EIF4G3: variants seen among roughly 807,000 people sequenced by gnomAD.
EIF4G3 encodes the protein eukaryotic translation initiation factor 4 gamma 3, also known as eIF-4-gamma 3.
EIF4G3 carries 34 observed loss-of-function variants against 186.4 expected under a neutral mutation model. That is an observed-to-expected ratio of 0.18 (90% CI 0.14 to 0.24). EIF4G3 has a LOEUF of 0.24. EIF4G3 is among the 10% of genes least tolerant of loss of function. The probability of loss-of-function intolerance (pLI) is 1.00; values close to 1 mark genes in which losing one functional copy is unlikely to be tolerated. For missense variants in EIF4G3, 1,536 were observed against 1,948.5 expected (o/e 0.79, Z 3.99); for synonymous variants, 673 against 679.5 (o/e 0.99, Z 0.15).
intron 4 of EIF4G3, chr1:21,003,782 G>T (rs940068994): frequency 2.3e-6 from 1 of 444,006 alleles, no homozygotes; most frequent in South Asian, 1.7e-5. Flanking sequence ...GATCATCAAT[G>T]ATTTCAAATT....
intron 11 of EIF4G3, among the ~76,000 whole-genome samples, chr1:20,969,966 C>CT (rs949288119): frequency 2.6e-5 from 4 of 151,014 alleles, no homozygotes; most frequent in East Asian, 1.9e-4. Flanking sequence ...ATAAAAGTTC[C>CT]TTTTTTTTTC....
intron 4 of EIF4G3, among the ~76,000 whole-genome samples, chr1:21,027,655 GAT>G (rs1473008380): frequency 6.6e-6 from 1 of 152,014 alleles, no homozygotes; most frequent in Non-Finnish European, 1.5e-5. Context: ...TGTTGTAAAA[GAT>G]GTGGAGAAAG....
intron 3 of EIF4G3, among the ~76,000 whole-genome samples, chr1:21,086,960 A>C (rs2096004251): frequency 6.6e-6 from 1 of 151,020 alleles, no homozygotes; most frequent in Admixed American, 6.6e-5. Flanking sequence ...AAAAGAAAAA[A>C]AGAAATGGCC....
At chr1:21,111,509 C>A in intron 2 of EIF4G3, 1 of 372,540 alleles carries the variant, frequency 2.7e-6, no homozygotes. Flanking sequence ...CCAGGTGACA[C>A]AGCCTTTAAG....
chr1:20,943,974 T>TTTTGTGTG (rs2095829221), intron 13 of EIF4G3, among the ~76,000 whole-genome samples: 2 of 62,468 alleles, frequency 3.2e-5, no homozygotes, highest in African/African-American at 1.1e-4. Flanking sequence ...TTTATTTTTT[T>TTTTGTGTG]TGTGTGTGTG....
intron 25 of EIF4G3, among the ~76,000 whole-genome samples, chr1:20,855,924 A>T (rs900607893): frequency 5.3e-5 from 8 of 152,218 alleles, no homozygotes; most frequent in African/African-American, 1.9e-4. Context: ...TGGAGGTTTG[A>T]TACCAGCACT....
chr1:21,143,583 T>C (rs985301292), intron 2 of EIF4G3, among the ~76,000 whole-genome samples: 2 of 152,196 alleles, frequency 1.3e-5, no homozygotes, highest in Non-Finnish European at 2.9e-5. Context: ...GTAAGATACA[T>C]TTATTTCTTC....
intron 2 of EIF4G3, among the ~76,000 whole-genome samples, chr1:21,143,110 G>T (rs565977206): frequency 2.0e-4 from 30 of 152,098 alleles, no homozygotes; most frequent in African/African-American, 7.2e-4. Context: ...TTAGCTAGGT[G>T]TGGTGGTGGG....
intron 6 of EIF4G3, chr1:20,998,937 T>C (rs2154568639): frequency 3.7e-6 from 1 of 273,558 alleles, no homozygotes; most frequent in South Asian, 3.4e-5. Context: ...ACACTACAGA[T>C]GAATTAGATT....
intron 18 of EIF4G3, among the ~76,000 whole-genome samples, chr1:20,886,720 G>A (rs2084286724): frequency 6.6e-6 from 1 of 152,100 alleles, no homozygotes; most frequent in South Asian, 2.1e-4. Context: ...TCACAGGTAG[G>A]TATCATCATA....
At chr1:20,863,866 G>A (rs1405412952) in intron 22 of EIF4G3, among the ~76,000 whole-genome samples, 1 of 152,020 alleles carries the variant, frequency 6.6e-6, no homozygotes. Context: ...GTCACAGAAT[G>A]TTAAGCTGAA....
intron 7 of EIF4G3, among the ~76,000 whole-genome samples, chr1:20,992,098 A>G (rs2081260305): frequency 6.6e-6 from 1 of 152,200 alleles, no homozygotes; most frequent in Non-Finnish European, 1.5e-5. Context: ...TATTTTCTTC[A>G]TTATTTATGC....
chr1:20,836,317 C>T (rs1005458496), intron 30 of EIF4G3, among the ~76,000 whole-genome samples: 6 of 152,106 alleles, frequency 3.9e-5, no homozygotes, highest in African/African-American at 1.4e-4. Context: ...TCTCGCAGTT[C>T]ACTACAGCTT....
intron 2 of EIF4G3, among the ~76,000 whole-genome samples, chr1:21,166,702 C>T (rs1465581868): frequency 1.3e-5 from 2 of 152,030 alleles, no homozygotes; most frequent in Non-Finnish European, 2.9e-5. Context: ...CACTGTACTC[C>T]AGCTTGGGTG....
Position 20,899,787 on chromosome 1 carries a change from C to T in EIF4G3, c.1909G>A (p.Ala637Thr), listed in dbSNP as rs771676033. 3.1e-6 allele frequency: 5 copies of T among 1,614,022 alleles called. No homozygotes were observed. The Admixed American group carries it at 8.3e-5, about 27-fold the overall frequency. Residue 637 changes from alanine (A) to threonine (T), a missense_variant, in exon 16 of 37, where the codon GCT (alanine) becomes ACT (threonine). Physicochemically the swap from Ala to Thr is moderately conservative, Grantham distance 58. Transcript: ENST00000602326. ...GEEAEPVRNG[A>T]ESVSEGEGID... ...CCTTCACCCTCAGAAACACTCTCAG[C>T]ACCATTACGTACTGGCTCAGCTTCT...
intron 2 of EIF4G3, among the ~76,000 whole-genome samples, chr1:21,139,515 G>C (rs2097303082): frequency 6.6e-6 from 1 of 152,138 alleles, no homozygotes; most frequent in Non-Finnish European, 1.5e-5. Flanking sequence ...CATCATGCTG[G>C]TAACTCAAAG....
intron 2 of EIF4G3, among the ~76,000 whole-genome samples, chr1:21,172,800 G>A (rs1573797685): frequency 1.3e-5 from 2 of 150,388 alleles, no homozygotes; most frequent in South Asian, 2.1e-4. Flanking sequence ...TGCCCACCTC[G>A]GCCTCCCAAA....
chr1:21,116,284 C>A lies in EIF4G3; in HGVS notation c.-271-27071G>T, dbSNP rs1433517428. ...TTCCCTTCTTAGAATATGTGACAACCAAGCTTTAGTATCTAAAAATTTAGT... is the reference window on the plus strand; with the variant it reads ...TTCCCTTCTTAGAATATGTGACAACAAAGCTTTAGTATCTAAAAATTTAGT... On this transcript the variant is annotated intron_variant, in intron 2 of 36. Coordinates refer to ENST00000602326, the MANE Select transcript of EIF4G3 (RefSeq NM_001391906.1). Among the ~76,000 whole-genome samples, 43 of 152,032 alleles carry A rather than the reference C, an allele frequency of 2.8e-4. 1 individual carries two copies. The highest frequency in any genetic ancestry group is 8.8e-5 in the Non-Finnish European group (6 of 68,010).
chr1:20,925,933 T>C (rs2094853263), intron 14 of EIF4G3, among the ~76,000 whole-genome samples: 1 of 152,244 alleles, frequency 6.6e-6, no homozygotes, highest in African/African-American at 2.4e-5. Context: ...TATTAACTAA[T>C]GAACTGGGAA....
Sources: allele counts gnomAD v4.1 joint callset (sites outside exome capture counted in the v4.1 genomes callset), GRCh38; gene constraint gnomAD v4.1.1; transcripts MANE v1.5; gene names NCBI Gene and HGNC (gene_info 2026-07-23, HGNC 2026-07-21).